The following TMEFF1 variants were observed in gnomAD, a reference collection of about 807,000 sequenced individuals.
The protein encoded by TMEFF1 is transmembrane protein with EGF like and two follistatin like domains 1, also known as tomoregulin-1.
Under a neutral mutation model 47.5 loss-of-function variants are expected in TMEFF1, and 20 were observed. The observed-to-expected ratio is 0.42, with a 90% CI of 0.30 to 0.61. The LOEUF is 0.61. TMEFF1 is among the 20% of genes least tolerant of loss of function. The pLI is 0.19. For synonymous variants in TMEFF1, 162 were observed against 166.3 expected, an observed-to-expected ratio of 0.97 and a Z score of 0.20; for missense variants, 411 against 471.1, an observed-to-expected ratio of 0.87 and a Z score of 1.18.
chr9:100,571,345 A>G (rs1839235117), intron 8 of TMEFF1, among the ~76,000 whole-genome samples: 1 of 137,674 alleles, frequency 7.3e-6, no homozygotes, highest in South Asian at 2.5e-4. Flanking sequence ...AAAATAACTG[A>G]CATGTCTTAG....
intron 8 of TMEFF1, among the ~76,000 whole-genome samples, chr9:100,563,257 C>G (rs1008937770): frequency 2.0e-5 from 3 of 152,204 alleles, no homozygotes; most frequent in African/African-American, 7.2e-5. Flanking sequence ...CTGGCCCAGG[C>G]CAATTTTTAA....
intron 7 of TMEFF1, among the ~76,000 whole-genome samples, chr9:100,560,876 G>GA (rs976172906): frequency 2.0e-5 from 3 of 152,140 alleles, no homozygotes; most frequent in East Asian, 1.9e-4. Flanking sequence ...TTTCACTTGG[G>GA]AAAAAAATCA....
chr9:100,546,410 A>G (rs1838732792), intron 5 of TMEFF1, among the ~76,000 whole-genome samples: 1 of 151,324 alleles, frequency 6.6e-6, no homozygotes, highest in East Asian at 2.0e-4. Flanking sequence ...CACAGGAAAG[A>G]CCTTCCCCCA....
rs777161100 is a variant in TMEFF1 at position 100,473,608 on chromosome 9, T to G, written c.64T>G (p.Cys22Gly). Residue 22 changes from cysteine (C) to glycine (G), a missense_variant, in exon 1 of 10, where the codon TGC becomes GGC. By Grantham distance (159) the Cys-to-Gly change is radical (BLOSUM62 -3). Transcript: ENST00000374879. This position sits in a 1 kb window ranked among gnomAD's most constrained non-coding sequence, Gnocchi z 5.4. ...LPAAPPLAFC[C>G]YTSVLLLFAF... is the part of the protein sequence containing the mutation. ...TGCCGCGCCTCCGCTCGCCTTCTGC[T>G]GCTACACGTCGGTGCTTCTGCTCTT... 5.1e-6 allele frequency: 8 copies of G among 1,558,238 alleles called. No homozygotes were observed. The East Asian group carries it at 1.9e-4, about 37-fold the overall frequency.
At chr9:100,492,231 C>T (rs1352032418) in intron 1 of TMEFF1, among the ~76,000 whole-genome samples, 2 of 152,138 alleles carry the variant, frequency 1.3e-5, no homozygotes, top group African/African-American at 4.8e-5. Flanking sequence ...ATAACAAACT[C>T]CAGTTTTAAT....
intron 7 of TMEFF1, among the ~76,000 whole-genome samples, chr9:100,557,659 TCTC>T (rs1838939094): frequency 6.6e-6 from 1 of 152,130 alleles, no homozygotes; most frequent in African/African-American, 2.4e-5. Context: ...TACAGTGAAT[TCTC>T]CTTTCAATTT....
chr9:100,488,802 C>A (rs1180087542), intron 1 of TMEFF1, among the ~76,000 whole-genome samples: 1 of 151,904 alleles, frequency 6.6e-6, no homozygotes, highest in Non-Finnish European at 1.5e-5. Flanking sequence ...GCCAGGGTGT[C>A]CCTCTTAAAA....
At chr9:100,525,179 T>G (rs1374717947) in intron 5 of TMEFF1, among the ~76,000 whole-genome samples, 1 of 152,126 alleles carries the variant, frequency 6.6e-6, no homozygotes, top group Non-Finnish European at 1.5e-5. Flanking sequence ...AACAATCGAT[T>G]TTCCAACTCT....
At chr9:100,478,811 T>C (rs889056508) in intron 1 of TMEFF1, among the ~76,000 whole-genome samples, 7 of 152,212 alleles carry the variant, frequency 4.6e-5, no homozygotes, top group Admixed American at 3.9e-4. Context: ...ATGATGGTCC[T>C]TTTTGGCTCT....
intron 5 of TMEFF1, among the ~76,000 whole-genome samples, chr9:100,544,128 T>G (rs1026307552): frequency 1.3e-5 from 2 of 151,882 alleles, no homozygotes; most frequent in Non-Finnish European, 2.9e-5. Flanking sequence ...GTCTCCAGAC[T>G]CCCTACCTTA....
chr9:100,480,433 G>T (rs537214093), intron 1 of TMEFF1, among the ~76,000 whole-genome samples: 92 of 152,300 alleles, frequency 6.0e-4, no homozygotes, highest in African/African-American at 2.1e-3. Flanking sequence ...AATACAAAAA[G>T]TTGTTTTTAT....
At chr9:100,498,734 A>G (rs1837704421) in intron 1 of TMEFF1, 31 bp from the exon 2 acceptor site, 1 of 1,609,740 alleles carries the variant, frequency 6.2e-7, no homozygotes, top group Non-Finnish European at 8.5e-7. Flanking sequence ...AAAGCCAAAT[A>G]TATATGTCAA....
chr9:100,566,265 T>G (rs1335294343), intron 8 of TMEFF1, among the ~76,000 whole-genome samples: 1 of 152,214 alleles, frequency 6.6e-6, no homozygotes, highest in Non-Finnish European at 1.5e-5. Flanking sequence ...CCATGACATA[T>G]GCTAATAACT....
chr9:100,504,605 A>T (rs1034180498), intron 2 of TMEFF1, among the ~76,000 whole-genome samples: 1 of 152,244 alleles, frequency 6.6e-6, no homozygotes. Flanking sequence ...CCAAAGGTAG[A>T]TTATCTTATT....
chr9:100,482,948 C>T (rs1837368450), intron 1 of TMEFF1, among the ~76,000 whole-genome samples: 2 of 152,198 alleles, frequency 1.3e-5, no homozygotes, highest in South Asian at 4.1e-4. Flanking sequence ...TACCATTGTC[C>T]TTGAATCACT....
At chr9:100,530,913 C>G (rs1004339408) in intron 5 of TMEFF1, among the ~76,000 whole-genome samples, 26 of 152,240 alleles carry the variant, frequency 1.7e-4, no homozygotes, top group Non-Finnish European at 2.5e-4. Flanking sequence ...TCATCCCTGG[C>G]ATGCAAGGCT....
intron 5 of TMEFF1, among the ~76,000 whole-genome samples, chr9:100,532,474 A>G (rs1224771674): frequency 1.3e-5 from 2 of 152,144 alleles, no homozygotes; most frequent in African/African-American, 4.8e-5. Context: ...GCAGCCAAAA[A>G]ACACATGAAA....
In TMEFF1 at chr9:100,538,023, T is replaced by C. The variant is rs556889349; in HGVS notation, c.561-9721T>C. Among the ~76,000 whole-genome samples the C allele has an allele frequency of 3.9e-5, 6 of 152,262 alleles. No homozygotes were observed. The East Asian group carries it at 9.7e-4, about 24-fold the overall frequency. On this transcript the variant is annotated intron_variant, in intron 5 of 9. Transcript: ENST00000374879. Reference sequence around the variant, plus strand: ...TTTGATTGAATGCGCAAAAATGAAATGAGCTTTTGTGAATCTACCTCCCAA... The same window carrying C: ...TTTGATTGAATGCGCAAAAATGAAACGAGCTTTTGTGAATCTACCTCCCAA...
At chr9:100,509,499 T>C (rs1169651409) in intron 3 of TMEFF1, among the ~76,000 whole-genome samples, 1 of 152,086 alleles carries the variant, frequency 6.6e-6, no homozygotes, top group African/African-American at 2.4e-5. Context: ...GAAGGTCGGG[T>C]GCGGTGGCTC....
Sources: gnomAD v4.1 joint callset for allele counts (sites outside exome capture counted in the v4.1 genomes callset) on GRCh38, gnomAD v4.1.1 for gene constraint, Gnocchi (gnomAD v3.1) non-coding constraint, MANE v1.5 for transcripts, NCBI Gene and HGNC (gene_info 2026-07-23, HGNC 2026-07-21) for gene names.